IGSF11: variants seen among roughly 807,000 people sequenced by gnomAD.
IGSF11 encodes immunoglobulin superfamily member 11, also known as CXADR like 1.
IGSF11 carries 22 observed loss-of-function variants against 41.0 expected under a neutral mutation model. The observed-to-expected ratio is 0.54, with a 90% confidence interval of 0.38 to 0.77. IGSF11 has a LOEUF of 0.77. IGSF11 is among the 30% of genes least tolerant of loss of function. The pLI is 0.00. For missense variants in IGSF11, 444 were observed against 530.8 expected (o/e 0.84, Z 1.61); for synonymous variants, 219 against 201.3 (o/e 1.09, Z -0.74).
intron 1 of IGSF11, among the ~76,000 whole-genome samples, chr3:119,048,043 C>G (rs1443396712): frequency 1.3e-5 from 2 of 151,234 alleles, no homozygotes; most frequent in Non-Finnish European, 3.0e-5. Flanking sequence ...CAAGAGAAAG[C>G]AGGAAAGATC....
intron 1 of IGSF11, among the ~76,000 whole-genome samples, chr3:119,077,744 C>T (rs544388637): frequency 1.3e-5 from 2 of 152,282 alleles, no homozygotes; most frequent in Non-Finnish European, 2.9e-5. Flanking sequence ...CAAACTATCT[C>T]TTTTTACAAT....
At chr3:119,001,885 G>A (rs1217706925) in intron 1 of IGSF11, among the ~76,000 whole-genome samples, 7 of 128,568 alleles carry the variant, frequency 5.4e-5, no homozygotes, top group Middle Eastern at 3.6e-3. Context: ...TGGACATTTG[G>A]GTTGGTTCCA....
intron 1 of IGSF11, among the ~76,000 whole-genome samples, chr3:119,052,437 G>C (rs1406377780): frequency 6.7e-6 from 1 of 148,832 alleles, no homozygotes; most frequent in East Asian, 2.0e-4. Context: ...CAAACAGGAA[G>C]GGAGGGAGGG....
At chr3:119,138,357 G>GTA (rs1246536636) in intron 1 of IGSF11, among the ~76,000 whole-genome samples, 7 of 152,086 alleles carry the variant, frequency 4.6e-5, no homozygotes, top group South Asian at 2.1e-4. Context: ...TTTAAATGTG[G>GTA]TATATATATA....
In IGSF11 at chr3:118,902,533, C is replaced by G; in HGVS notation, c.1283G>C (p.Gly428Ala). 2 of 1,593,814 alleles carry G rather than the reference C, an allele frequency of 1.3e-6. No homozygotes were observed. The highest frequency in any genetic ancestry group is 1.7e-6 in the Non-Finnish European group (2 of 1,166,820). Residue 428 changes from glycine to alanine, a missense_variant, in exon 7 of 7, where the codon GGG (glycine) becomes GCG (alanine). Gly to Ala is a moderately conservative substitution (Grantham distance 60, BLOSUM62 0). This residue lies in a region of IGSF11 where 223 missense variants were observed against 226.2 expected (regional missense o/e 0.99). Coordinates refer to ENST00000393775, the MANE Select transcript of IGSF11 (RefSeq NM_001015887.3). ...TTTCCTCATGTCCTATACCAAGGAC[C>G]CGGCCCGACTCTGGGCTGGTACCAT... ...PVMVPAQSRA[G>A]SLV
At chr3:118,917,392 T>C (rs1246546125) in intron 4 of IGSF11, among the ~76,000 whole-genome samples, 1 of 146,860 alleles carries the variant, frequency 6.8e-6, no homozygotes, top group Non-Finnish European at 1.5e-5. Flanking sequence ...GAGAGAAGAA[T>C]CAAACAGACA....
chr3:119,050,890 G>A (rs1011536092), intron 1 of IGSF11, among the ~76,000 whole-genome samples: 3 of 150,550 alleles, frequency 2.0e-5, no homozygotes, highest in African/African-American at 4.9e-5. Flanking sequence ...GTAAACTATC[G>A]CAAGGACAAA....
intron 1 of IGSF11, among the ~76,000 whole-genome samples, chr3:119,004,882 A>T (rs1052065603): frequency 6.6e-6 from 1 of 152,170 alleles, no homozygotes; most frequent in South Asian, 2.1e-4. Flanking sequence ...TTTACTTCCA[A>T]CTATGTGGTC....
intron 1 of IGSF11, among the ~76,000 whole-genome samples, chr3:118,987,484 C>CA (rs1466849111): frequency 6.6e-6 from 1 of 152,116 alleles, no homozygotes; most frequent in Non-Finnish European, 1.5e-5. Flanking sequence ...GAAGTCCTGC[C>CA]TAGTAGTGTG....
intron 5 of IGSF11, 103 bp from the exon 6 acceptor site, chr3:118,904,901 T>A: frequency 1.2e-6 from 1 of 862,694 alleles, no homozygotes; most frequent in Non-Finnish European, 1.7e-6. Flanking sequence ...ATAATCTGCT[T>A]AAAACGTATA....
chr3:119,121,040 G>A (rs546183768), intron 1 of IGSF11, among the ~76,000 whole-genome samples: 1 of 152,026 alleles, frequency 6.6e-6, no homozygotes, highest in East Asian at 1.9e-4. Flanking sequence ...TAAACAACAA[G>A]AAAAACCACA....
intron 1 of IGSF11, among the ~76,000 whole-genome samples, chr3:119,016,949 AAAGG>A (rs897547870): frequency 2.0e-5 from 3 of 152,044 alleles, no homozygotes; most frequent in African/African-American, 7.3e-5. Flanking sequence ...ACTGGCTAAG[AAAGG>A]AAGAAGATTA....
intron 3 of IGSF11, 117 bp from the exon 4 acceptor site, chr3:118,926,373 T>C (rs1942304975): frequency 1.2e-6 from 1 of 821,070 alleles, no homozygotes; most frequent in African/African-American, 1.8e-5. Context: ...TGGGAACATA[T>C]ACCAGGAGAC....
chr3:118,959,614 T>G (rs1945195040), intron 1 of IGSF11, among the ~76,000 whole-genome samples: 1 of 152,208 alleles, frequency 6.6e-6, no homozygotes, highest in South Asian at 2.1e-4. Context: ...GAATAGTTAG[T>G]GGTTTTCCGC....
intron 5 of IGSF11, 125 bp downstream of exon 5, chr3:118,905,471 A>G: frequency 9.4e-7 from 1 of 1,058,642 alleles, no homozygotes; most frequent in South Asian, 1.8e-5. Flanking sequence ...AATTAAAACC[A>G]AAACAATTTC....
At chr3:118,959,769 C>T (rs775709374) in intron 1 of IGSF11, among the ~76,000 whole-genome samples, 1 of 152,118 alleles carries the variant, frequency 6.6e-6, no homozygotes, top group African/African-American at 2.4e-5. Context: ...CAAATGTGGG[C>T]CGGGCGCAGT....
intron 1 of IGSF11, among the ~76,000 whole-genome samples, chr3:119,125,173 A>G (rs1490699894): frequency 6.6e-6 from 1 of 152,240 alleles, no homozygotes; most frequent in African/African-American, 2.4e-5. Flanking sequence ...GGAGTACTTC[A>G]GTCAGAAATA....
At chr3:119,093,491 C>G (rs1221294637) in intron 1 of IGSF11, among the ~76,000 whole-genome samples, 1 of 152,038 alleles carries the variant, frequency 6.6e-6, no homozygotes, top group Non-Finnish European at 1.5e-5. Flanking sequence ...ATGCCTGTAC[C>G]CAGCCACATT....
intron 1 of IGSF11, among the ~76,000 whole-genome samples, chr3:119,065,531 G>A (rs551215399): frequency 1.3e-5 from 2 of 152,174 alleles, no homozygotes; most frequent in South Asian, 2.1e-4. Context: ...AGTGGCACAC[G>A]CCTGTAATCC....
Sources: allele counts gnomAD v4.1 joint callset (sites outside exome capture counted in the v4.1 genomes callset), GRCh38; gene constraint gnomAD v4.1.1; regional missense constraint gnomAD v4.1.1; transcripts MANE v1.5; gene names NCBI Gene and HGNC (gene_info 2026-07-23, HGNC 2026-07-21).